PSD3: variants seen among roughly 807,000 people sequenced by gnomAD.
PSD3 encodes pleckstrin and Sec7 domain containing 3, also known as PH and SEC7 domain-containing protein 3.
PSD3 carries 49 observed loss-of-function variants against 105.5 expected under a neutral mutation model. That is an observed-to-expected ratio of 0.46 (90% confidence interval 0.37 to 0.59). The LOEUF is 0.59. Among genes scored for constraint, PSD3 ranks in the 20% least tolerant of loss-of-function variants. The pLI is 0.00. For missense variants in PSD3, 1,561 were observed against 1,263.8 expected, an observed-to-expected ratio of 1.24 and a Z score of -3.57; for synonymous variants, 557 against 457.8, an observed-to-expected ratio of 1.22 and a Z score of -2.77.
At chr8:18,687,975 G>T (rs1800755063) in intron 9 of PSD3, among the ~76,000 whole-genome samples, 1 of 152,008 alleles carries the variant, frequency 6.6e-6, no homozygotes, top group Non-Finnish European at 1.5e-5. Context: ...CGCCATGTTG[G>T]CCAGGCTGGT....
intron 12 of PSD3, among the ~76,000 whole-genome samples, chr8:18,578,919 T>G (rs1194728454): frequency 6.6e-6 from 1 of 152,080 alleles, no homozygotes. Flanking sequence ...ACGGCATCAG[T>G]GGAAGACAGG....
At chr8:18,847,922 C>A (rs7007413) in intron 4 of PSD3, among the ~76,000 whole-genome samples, 2 of 152,048 alleles carry the variant, frequency 1.3e-5, no homozygotes, top group African/African-American at 4.8e-5. Context: ...CAGAAACAAT[C>A]GGGGAGACAT....
Position 18,786,906 on chromosome 8 carries a change from T to C in PSD3, c.2082+12389A>G, listed in dbSNP as rs994600015. On this transcript the variant is annotated intron_variant, in intron 8 of 15. Coordinates refer to ENST00000327040, the MANE Select transcript of PSD3 (RefSeq NM_015310.4). The stretch of plus-strand genomic sequence containing the variant: ...GTCCATTTTGCTGCTTACTGGCACA[T>C]ATTTAAACACATTCCTTCCACTCAG... 2.0e-5 allele frequency: 3 copies of C among 152,226 alleles called. No homozygotes were observed. In the East Asian group the frequency reaches 5.8e-4, roughly 29 times the overall value. The allele number at this position is 152,226 out of a possible 1,614,324, so 9.4% of individuals were successfully genotyped here.
intron 11 of PSD3, among the ~76,000 whole-genome samples, chr8:18,621,370 T>A (rs1806096040): frequency 6.6e-6 from 1 of 152,178 alleles, no homozygotes; most frequent in South Asian, 2.1e-4. Flanking sequence ...ATCGTGCCAC[T>A]GCACTCCAGC....
intron 1 of PSD3, among the ~76,000 whole-genome samples, chr8:18,974,221 A>G (rs1294626762): frequency 6.6e-6 from 1 of 152,194 alleles, no homozygotes; most frequent in African/African-American, 2.4e-5. Flanking sequence ...TGTTACAGAT[A>G]AAGAAAAAGG....
exon 1 of PSD3, chr8:19,084,439 A>C (rs758239572): frequency 8.8e-6 from 4 of 456,118 alleles, no homozygotes; most frequent in South Asian, 6.2e-5. Context: ...GCATCCCTGC[A>C]TCGGGGGTCC....
chr8:18,754,385 A>G lies in PSD3; in HGVS notation c.2172+11064T>C, dbSNP rs568727013. 5.9e-5 allele frequency among the ~76,000 whole-genome samples: 9 copies of G among 152,286 alleles called. No individual in the cohort carries two copies. The South Asian group carries it at 1.9e-3, about 32-fold the overall frequency. ...GGCGACAGGGTGAGACTCCATCTCA[A>G]AATTAATAAATGAATAATTTCCACT... On this transcript the variant is annotated intron_variant, in intron 9 of 15. Transcript: ENST00000327040.
chr8:18,686,028 C>A (rs1800643926), intron 9 of PSD3, among the ~76,000 whole-genome samples: 1 of 152,038 alleles, frequency 6.6e-6, no homozygotes, highest in Non-Finnish European at 1.5e-5. Flanking sequence ...GATTAAAAAA[C>A]AAACAAACAA....
intron 3 of PSD3, among the ~76,000 whole-genome samples, chr8:18,871,025 G>A (rs895428348): frequency 6.6e-6 from 1 of 152,186 alleles, no homozygotes; most frequent in African/African-American, 2.4e-5. Context: ...CTTGAGCCTG[G>A]AAGGTCAAGG....
intron 1 of PSD3, among the ~76,000 whole-genome samples, chr8:18,964,874 T>C (rs1241188257): frequency 1.3e-5 from 2 of 152,228 alleles, no homozygotes; most frequent in African/African-American, 2.4e-5. Flanking sequence ...ATTATTTGTG[T>C]GGCCTTCAGG....
chr8:18,802,996 G>C (rs535050597), intron 6 of PSD3, among the ~76,000 whole-genome samples: 3 of 152,122 alleles, frequency 2.0e-5, no homozygotes, highest in African/African-American at 7.2e-5. Flanking sequence ...ACCTTAAAAG[G>C]CTATTGGGGC....
At chr8:18,909,629 T>C (rs1335691934) in intron 2 of PSD3, among the ~76,000 whole-genome samples, 2 of 152,006 alleles carry the variant, frequency 1.3e-5, no homozygotes, top group Non-Finnish European at 2.9e-5. Context: ...GACTACAGGC[T>C]CACGTTACCA....
intron 8 of PSD3, among the ~76,000 whole-genome samples, chr8:18,774,180 TTTAA>T (rs71217401): frequency 0.44 from 66,448 of 151,770 alleles, 17,253 homozygotes; most frequent in Non-Finnish European, 0.59. Flanking sequence ...TAGTTATTCC[TTTAA>T]TTTTGTTTTA....
chr8:18,648,852 C>T (rs2130826500), intron 10 of PSD3, among the ~76,000 whole-genome samples: 1 of 152,364 alleles, frequency 6.6e-6, no homozygotes. Context: ...CAAGGTACAG[C>T]TCAAGCTGTC....
intron 9 of PSD3, among the ~76,000 whole-genome samples, chr8:18,740,348 G>A (rs1163009816): frequency 6.6e-6 from 1 of 152,272 alleles, no homozygotes; most frequent in South Asian, 2.1e-4. Flanking sequence ...CACCCTTTCT[G>A]TTCCACTTCA....
chr8:19,054,970 TTC>T (rs1244395981), intron 1 of PSD3, among the ~76,000 whole-genome samples: 1 of 152,176 alleles, frequency 6.6e-6, no homozygotes, highest in Admixed American at 6.5e-5. Flanking sequence ...AGACTACCTG[TTC>T]ACCCCTGTAC....
chr8:18,602,414 C>G (rs1804503095), intron 11 of PSD3, among the ~76,000 whole-genome samples: 1 of 152,078 alleles, frequency 6.6e-6, no homozygotes, highest in African/African-American at 2.4e-5. Flanking sequence ...ATTGTACTCA[C>G]TTACTGCAGT....
intron 14 of PSD3, among the ~76,000 whole-genome samples, chr8:18,571,958 GTAAGA>G (rs1040211739): frequency 2.0e-5 from 3 of 152,144 alleles, no homozygotes; most frequent in Non-Finnish European, 4.4e-5. Flanking sequence ...ATGGCTTTTA[GTAAGA>G]TTAATCTGAC....
chr8:18,750,373 A>G (rs1429111471), intron 9 of PSD3, among the ~76,000 whole-genome samples: 2 of 149,702 alleles, frequency 1.3e-5, no homozygotes, highest in South Asian at 4.3e-4. Flanking sequence ...GACCTTTGCG[A>G]TGAGTGTTAC....
Sources: allele counts gnomAD v4.1 joint callset (sites outside exome capture counted in the v4.1 genomes callset), GRCh38; gene constraint gnomAD v4.1.1; transcripts MANE v1.5; gene names NCBI Gene and HGNC (gene_info 2026-07-23, HGNC 2026-07-21).